C1orf21: variants seen among roughly 807,000 people sequenced by gnomAD.
The protein encoded by C1orf21 is uncharacterized protein C1orf21.
C1orf21 carries 3 observed loss-of-function variants against 18.7 expected under a neutral mutation model. That is an observed-to-expected ratio of 0.16 (90% CI 0.07 to 0.42). The LOEUF (loss-of-function observed/expected upper bound fraction) is 0.42, where lower values mean the gene tolerates loss of function less well. Among genes scored for constraint, C1orf21 ranks in the 10% least tolerant of loss-of-function variants. The probability of loss-of-function intolerance (pLI) is 0.99; values close to 1 mark genes in which losing one functional copy is unlikely to be tolerated. For synonymous variants in C1orf21, 41 were observed against 46.4 expected (o/e 0.88, Z 0.47); for missense variants, 104 against 143.6 (o/e 0.72, Z 1.41).
chr1:184,501,836 G>T (rs146642084), intron 2 of C1orf21, among the ~76,000 whole-genome samples: 1 of 152,212 alleles, frequency 6.6e-6, no homozygotes, highest in East Asian at 1.9e-4. Flanking sequence ...CCATAAAATG[G>T]TGTGATTTGT....
chr1:184,411,493 C>G (rs1417404494), intron 1 of C1orf21, among the ~76,000 whole-genome samples: 1 of 143,638 alleles, frequency 7.0e-6, no homozygotes, highest in East Asian at 2.1e-4. Flanking sequence ...GCAATCTCGG[C>G]TCACTGCAAG....
In C1orf21 at chr1:184,477,888, T is replaced by A. The variant is rs551529304; in HGVS notation, c.94+285T>A. 9.9e-4 allele frequency among the ~76,000 whole-genome samples: 151 copies of A among 152,334 alleles called. 1 individual carries two copies. The highest frequency in any genetic ancestry group is 1.8e-3 in the African/African-American group (76 of 41,576). On this transcript the variant is annotated intron_variant, in intron 2 of 5. Coordinates refer to ENST00000235307, the MANE Select transcript of C1orf21 (RefSeq NM_030806.4). Reference sequence around the variant, plus strand: ...CTCTGTTATGGAACATTAGATCTTATTCCCTCTAAGCCTTTCATTTTTGTG... The same window carrying A: ...CTCTGTTATGGAACATTAGATCTTAATCCCTCTAAGCCTTTCATTTTTGTG...
intron 4 of C1orf21, among the ~76,000 whole-genome samples, chr1:184,595,554 A>C (rs1299752853): frequency 6.6e-6 from 1 of 152,196 alleles, no homozygotes; most frequent in Non-Finnish European, 1.5e-5. Flanking sequence ...TTTTTATTTC[A>C]TCAGAATAAA....
chr1:184,507,439 A>T, intron 2 of C1orf21, 149 bp from the exon 3 acceptor site: 1 of 621,064 alleles, frequency 1.6e-6, no homozygotes, highest in Non-Finnish European at 2.7e-6. Flanking sequence ...ATGCCTAGTT[A>T]AGCTTCTTCC....
At chr1:184,602,977 T>G (rs1659604271) in intron 5 of C1orf21, among the ~76,000 whole-genome samples, 1 of 152,208 alleles carries the variant, frequency 6.6e-6, no homozygotes, top group Non-Finnish European at 1.5e-5. Flanking sequence ...CTTCTTAAAC[T>G]TTGTTGGGCC....
At chr1:184,412,777 C>G (rs1271788600) in intron 1 of C1orf21, among the ~76,000 whole-genome samples, 1 of 152,146 alleles carries the variant, frequency 6.6e-6, no homozygotes, top group Admixed American at 6.5e-5. Flanking sequence ...CACCACACTC[C>G]AGCCTGGGCC....
intron 1 of C1orf21, among the ~76,000 whole-genome samples, chr1:184,418,405 G>A (rs1160388849): frequency 2.0e-5 from 3 of 152,100 alleles, no homozygotes; most frequent in Non-Finnish European, 2.9e-5. Flanking sequence ...GTAGAGATAG[G>A]GTTTCACCAT....
chr1:184,419,634 TA>T (rs780376244), intron 1 of C1orf21, among the ~76,000 whole-genome samples: 3 of 151,076 alleles, frequency 2.0e-5, no homozygotes, highest in South Asian at 4.2e-4. Flanking sequence ...TGTTTAGTAC[TA>T]GGGGAAAAAC....
At position 184,625,256 on chromosome 1, in the gene C1orf21, C is replaced by A. The variant is rs1343824057; in HGVS notation, c.*5700C>A. On this transcript the variant is annotated 3_prime_UTR_variant, in exon 6 of 6. Coordinates refer to ENST00000235307, the MANE Select transcript of C1orf21 (RefSeq NM_030806.4). Reference sequence around the variant, plus strand: ...ACACCATAAACTTAGGCAGAGGTCCCTTAGGGTCTCTAGAGTTGAAAATAA... The same window carrying A: ...ACACCATAAACTTAGGCAGAGGTCCATTAGGGTCTCTAGAGTTGAAAATAA... The A allele has an allele frequency of 6.6e-6, 1 of 152,332 alleles. No homozygotes were observed. The highest frequency in any genetic ancestry group is 2.4e-5 in the African/African-American group (1 of 41,416). 9.4% of individuals were successfully genotyped at this position (152,332 alleles called of 1,614,324 possible).
chr1:184,421,854 T>C (rs1164812586), intron 1 of C1orf21, among the ~76,000 whole-genome samples: 1 of 151,726 alleles, frequency 6.6e-6, no homozygotes. Context: ...GTATAACAAA[T>C]ATCTCAGAAC....
chr1:184,618,831 G>C (rs551209816), intron 5 of C1orf21, among the ~76,000 whole-genome samples: 2 of 152,162 alleles, frequency 1.3e-5, no homozygotes, highest in Non-Finnish European at 2.9e-5. Context: ...AAGCCAGCTC[G>C]GTTAAATGTG....
intron 5 of C1orf21, among the ~76,000 whole-genome samples, chr1:184,605,315 G>T (rs780982551): frequency 2.6e-5 from 4 of 152,152 alleles, no homozygotes; most frequent in Non-Finnish European, 5.9e-5. Flanking sequence ...TGTTATTTAC[G>T]AACATCTAAA....
intron 3 of C1orf21, among the ~76,000 whole-genome samples, chr1:184,520,862 G>GT (rs973510845): frequency 6.6e-6 from 1 of 152,136 alleles, no homozygotes; most frequent in African/African-American, 2.4e-5. Flanking sequence ...AATCATTTAT[G>GT]TTTTTATGCC....
chr1:184,563,939 C>G (rs1012312602), intron 3 of C1orf21, among the ~76,000 whole-genome samples: 1 of 152,168 alleles, frequency 6.6e-6, no homozygotes, highest in African/African-American at 2.4e-5. Context: ...ACCTAGTTTC[C>G]TCCTCTATAA....
At chr1:184,505,172 T>A (rs1459752159) in intron 2 of C1orf21, among the ~76,000 whole-genome samples, 6 of 151,712 alleles carry the variant, frequency 4.0e-5, no homozygotes, top group Admixed American at 2.6e-4. Flanking sequence ...ATCTCCTCCC[T>A]AGGAGAAACC....
At chr1:184,570,199 T>C (rs1659089770) in intron 3 of C1orf21, among the ~76,000 whole-genome samples, 1 of 152,164 alleles carries the variant, frequency 6.6e-6, no homozygotes, top group South Asian at 2.1e-4. Flanking sequence ...TGTTTTTAAA[T>C]CAGTAAAAGA....
intron 1 of C1orf21, among the ~76,000 whole-genome samples, chr1:184,460,844 T>C (rs746398864): frequency 6.6e-6 from 1 of 151,792 alleles, no homozygotes; most frequent in Non-Finnish European, 1.5e-5. Flanking sequence ...ACAGAGCCAA[T>C]GTGTGTGAAA....
intron 1 of C1orf21, among the ~76,000 whole-genome samples, chr1:184,438,700 C>T (rs1656899194): frequency 6.6e-6 from 1 of 152,150 alleles, no homozygotes; most frequent in Non-Finnish European, 1.5e-5. Context: ...CACTAGGTTC[C>T]ATGCCCCTTG....
rs186769759 is a variant in C1orf21 at position 184,616,449 on chromosome 1, T to C, written c.328-3069T>C. ...CTAATGCTGTTTTCTTGCTCCTTTG[T>C]TTAGTAATGATAATAATTTCAGAGT... On this transcript the variant is annotated intron_variant, in intron 5 of 5. Coordinates refer to ENST00000235307, the MANE Select transcript of C1orf21 (RefSeq NM_030806.4). 9.2e-5 allele frequency among the ~76,000 whole-genome samples: 14 copies of C among 152,354 alleles called. No homozygotes were observed. The East Asian group carries it at 2.7e-3, about 29-fold the overall frequency.
Sources: gnomAD v4.1 joint callset for allele counts (sites outside exome capture counted in the v4.1 genomes callset) on GRCh38, gnomAD v4.1.1 for gene constraint, MANE v1.5 for transcripts, NCBI Gene and HGNC (gene_info 2026-07-23, HGNC 2026-07-21) for gene names.